NRP2: variants seen among roughly 807,000 people sequenced by gnomAD.
The protein encoded by NRP2 is neuropilin-2.
Under a neutral mutation model 110.4 loss-of-function variants are expected in NRP2, and 52 were observed. The observed-to-expected ratio is 0.47, with a 90% CI of 0.38 to 0.59. The LOEUF (loss-of-function observed/expected upper bound fraction) is 0.59. Ranked by LOEUF, NRP2 falls within the 20% of genes least tolerant of loss-of-function variation. The pLI, the probability that NRP2 is intolerant of heterozygous loss-of-function variation, is 0.00. For missense variants in NRP2, 1,049 were observed against 1,203.0 expected (o/e 0.87, Z 1.89); for synonymous variants, 508 against 468.9 (o/e 1.08, Z -1.08).
chr2:205,767,039 C>T (rs1251618841), intron 15 of NRP2: 2 of 573,056 alleles, frequency 3.5e-6, no homozygotes, highest in East Asian at 3.0e-5. Flanking sequence ...TTAATAGAGA[C>T]AAATAGGTTA....
chr2:205,696,713 T>A (rs2056435189), intron 1 of NRP2, among the ~76,000 whole-genome samples: 1 of 152,198 alleles, frequency 6.6e-6, no homozygotes, highest in Non-Finnish European at 1.5e-5. Flanking sequence ...CAGTTATGGC[T>A]GGACAAAGCA....
intron 1 of NRP2, among the ~76,000 whole-genome samples, chr2:205,688,884 G>A (rs72939360): frequency 0.041 from 6,259 of 152,074 alleles, 203 homozygotes; most frequent in Middle Eastern, 0.086. Context: ...AAAACCCTTC[G>A]ATGTTGTGAT....
chr2:205,766,775 T>G lies in NRP2; in HGVS notation c.2405-8T>G. On this transcript the variant is annotated splice_region_variant and splice_polypyrimidine_tract_variant and intron_variant, in intron 14 of 16. Transcript: ENST00000357785. ...AACTAAGTCCAATTTTTTGTTTGTT[T>G]TTTTCAGAACCCATCTCGGCTTTTG... The G allele has an allele frequency of 1.2e-6, 2 of 1,613,540 alleles. No homozygotes were observed. The highest frequency in any genetic ancestry group is 1.7e-6 in the Non-Finnish European group (2 of 1,179,886).
In NRP2 at chr2:205,682,933, TATC is replaced by T. The variant is rs2056047822; in HGVS notation, c.-355_-353del. On this transcript the variant is annotated 5_prime_UTR_variant, in exon 1 of 17. Transcript: ENST00000357785. This position sits in a 1 kb window ranked among gnomAD's most constrained non-coding sequence, Gnocchi z 4.3. Reference sequence around the variant, plus strand: ...AAGTCTTGGTTTTAATTATTATTATTATCATTATTGTTACGCTTGGCTTTCGGG... The same window carrying T: ...AAGTCTTGGTTTTAATTATTATTATTATTATTGTTACGCTTGGCTTTCGGG... 2 of 245,918 alleles carry T rather than the reference TATC, an allele frequency of 8.1e-6. No homozygotes were observed. The highest frequency in any genetic ancestry group is 1.1e-4 in the South Asian group (2 of 18,802). 15.2% of individuals were successfully genotyped at this position (245,918 alleles called of 1,614,324 possible).
intron 15 of NRP2, chr2:205,767,749 G>A: frequency 5.3e-6 from 1 of 189,544 alleles, no homozygotes; most frequent in South Asian, 8.0e-5. Context: ...ATGCGTCACT[G>A]CAGTTGGCCT....
intron 1 of NRP2, among the ~76,000 whole-genome samples, chr2:205,692,922 C>A (rs1006533185): frequency 1.3e-5 from 2 of 152,174 alleles, no homozygotes; most frequent in Non-Finnish European, 2.9e-5. Context: ...AAAACAAAGG[C>A]TCAGAGTTGT....
At chr2:205,713,196 C>A (rs899812220) in intron 2 of NRP2, among the ~76,000 whole-genome samples, 19 of 152,112 alleles carry the variant, frequency 1.2e-4, no homozygotes, top group African/African-American at 4.3e-4. Flanking sequence ...CAGATAAAAC[C>A]CTCTCACTTC....
intron 1 of NRP2, among the ~76,000 whole-genome samples, chr2:205,694,074 G>C (rs1313789534): frequency 1.3e-5 from 2 of 152,198 alleles, no homozygotes; most frequent in Non-Finnish European, 2.9e-5. Flanking sequence ...CTGTAGGAAG[G>C]TGAGTTCCTA....
chr2:205,728,212 G>C (rs1207506001), intron 7 of NRP2, among the ~76,000 whole-genome samples, 166 bp downstream of exon 7: 2 of 152,156 alleles, frequency 1.3e-5, no homozygotes, highest in Admixed American at 1.3e-4. Context: ...TCTCTCTTAG[G>C]CTAAAGCGAT....
At chr2:205,765,621 C>A in intron 14 of NRP2, 51 bp downstream of exon 14, 1 of 1,496,726 alleles carries the variant, frequency 6.7e-7, no homozygotes. Context: ...ACCCCAAGGG[C>A]TGGGATAAGC....
intron 13 of NRP2, 163 bp downstream of exon 13, chr2:205,764,099 T>G: frequency 1.2e-6 from 1 of 869,422 alleles, no homozygotes; most frequent in Non-Finnish European, 1.7e-6. Flanking sequence ...AGAATATGCC[T>G]ATCTCTACAC....
intron 1 of NRP2, among the ~76,000 whole-genome samples, chr2:205,690,712 G>A (rs887989481): frequency 5.3e-5 from 8 of 152,066 alleles, no homozygotes; most frequent in African/African-American, 9.7e-5. Context: ...CTTGGGAGGC[G>A]GAGGTTGCAG....
chr2:205,725,992 T>C lies in NRP2; in HGVS notation c.900T>C (p.Ser300=), dbSNP rs2057120358. The C allele has an allele frequency of 6.2e-7, 1 of 1,614,168 alleles. No homozygotes were observed. The highest frequency in any genetic ancestry group is 1.3e-5 in the African/African-American group (1 of 75,042). The change falls in exon 6 of 17, where the codon TCT becomes TCC. Residue 300 remains serine, a synonymous_variant. Transcript: ENST00000357785. The surrounding 1 kb of genome is among the most constrained non-coding windows in gnomAD (Gnocchi z 4.1). ...NEQISASSTY[S]DGRWTPQQSR... is the part of the protein sequence containing the mutation. ...AGATCAGTGCCTCATCTACCTACTC[T>C]GATGGGAGGTGGACCCCTCAACAAA...
chr2:205,760,009 G>A (rs1409533660), intron 12 of NRP2, among the ~76,000 whole-genome samples: 1 of 152,202 alleles, frequency 6.6e-6, no homozygotes, highest in Non-Finnish European at 1.5e-5. Flanking sequence ...GCTGTGGCAG[G>A]TTTACTGAGT....
intron 8 of NRP2, among the ~76,000 whole-genome samples, chr2:205,741,347 G>A (rs1279783676): frequency 6.6e-6 from 1 of 152,176 alleles, no homozygotes; most frequent in African/African-American, 2.4e-5. Flanking sequence ...GAGGTTAGAA[G>A]GCAAATAACA....
rs538018190 is a variant in NRP2, at chr2:205,790,520, G to A, written c.2426-1715G>A. On this transcript the variant is annotated intron_variant, in intron 15 of 16. Coordinates refer to ENST00000357785, the MANE Select transcript of NRP2 (RefSeq NM_003872.3). ...AGAAGTCACTGGCAGGAGCCCCGTGGTTCTCATCCTAGGCTGATTCACATA... is the reference window on the plus strand; with the variant it reads ...AGAAGTCACTGGCAGGAGCCCCGTGATTCTCATCCTAGGCTGATTCACATA... Among the ~76,000 whole-genome samples the A allele has an allele frequency of 1.1e-4, 16 of 152,242 alleles. No homozygotes were observed. In the East Asian group the frequency reaches 3.1e-3, roughly 29 times the overall value.
intron 2 of NRP2, among the ~76,000 whole-genome samples, chr2:205,703,192 C>G (rs1042686194): frequency 6.6e-6 from 1 of 152,160 alleles, no homozygotes; most frequent in East Asian, 1.9e-4. Context: ...TCTGTGTTCC[C>G]TATTTGTCCC....
At position 205,705,036 on chromosome 2, in the gene NRP2, C is replaced by T. The variant is rs968499329; in HGVS notation, c.251+7315C>T. Among the ~76,000 whole-genome samples, 7 of 152,238 alleles carry T rather than the reference C, an allele frequency of 4.6e-5. No individual in the cohort carries two copies. The East Asian group carries it at 1.4e-3, about 29-fold the overall frequency. On this transcript the variant is annotated intron_variant, in intron 2 of 16. Transcript: ENST00000357785. ...TTCTAAAAAGGGATTTGTGTATTTT[C>T]CTGGAGTCATGAGTCCTATAGAAAA...
intron 2 of NRP2, among the ~76,000 whole-genome samples, chr2:205,706,846 G>A (rs1559315501): frequency 6.6e-6 from 1 of 152,102 alleles, no homozygotes; most frequent in Admixed American, 6.6e-5. Context: ...GCTCATCCCC[G>A]GCACTGATGC....
Sources: allele counts gnomAD v4.1 joint callset (sites outside exome capture counted in the v4.1 genomes callset), GRCh38; gene constraint gnomAD v4.1.1; non-coding constraint Gnocchi (gnomAD v3.1); transcripts MANE v1.5; gene names NCBI Gene and HGNC (gene_info 2026-07-23, HGNC 2026-07-21).